The following SYS1 variants were observed in gnomAD, a reference collection of about 807,000 sequenced individuals.
SYS1 encodes SYS1 golgi trafficking protein, also known as protein SYS1 homolog.
A neutral mutation model predicts 17.8 loss-of-function variants in SYS1; 8 were observed. The observed-to-expected ratio is 0.45, with a 90% confidence interval of 0.26 to 0.81. SYS1 has a LOEUF of 0.81. Among genes scored for constraint, SYS1 ranks in the 40% least tolerant of loss-of-function variants. The pLI, the probability that SYS1 is intolerant of heterozygous loss-of-function variation, is 0.16. For missense variants in SYS1, 161 were observed against 203.9 expected (o/e 0.79, Z 1.28); for synonymous variants, 95 against 90.9 (o/e 1.05, Z -0.26).
chr20:45,375,673 C>A (rs1428187024), exon 4 of SYS1: 1 of 1,246,826 alleles, frequency 8.0e-7, no homozygotes, highest in African/African-American at 1.5e-5. Flanking sequence ...TGCAAAGAAA[C>A]TTCTCTACTG....
At chr20:45,365,998 G>A in intron 3 of SYS1, 1 of 400,910 alleles carries the variant, frequency 2.5e-6, no homozygotes. Context: ...TCTGTTCTTG[G>A]TTTGTGTGCC....
At chr20:45,364,560 C>G (rs1988345162) in intron 2 of SYS1, among the ~76,000 whole-genome samples, 1 of 149,614 alleles carries the variant, frequency 6.7e-6, no homozygotes, top group African/African-American at 2.5e-5. Context: ...CAAGCTCCGC[C>G]TCCCGGGTTC....
Position 45,367,120 on chromosome 20 carries a change from A to G in SYS1, c.*5A>G, listed in dbSNP as rs746344394. 1.9e-6 allele frequency: 3 copies of G among 1,614,032 alleles called. No homozygotes were observed. The highest frequency in any genetic ancestry group is 2.5e-6 in the Non-Finnish European group (3 of 1,179,936). On this transcript the variant is annotated 3_prime_UTR_variant, in exon 4 of 4. Transcript: ENST00000243918. The stretch of plus-strand genomic sequence containing the variant: ...GCCCCTAAATCCAATGTCTAGAATC[A>G]GGCCCTTTGGACATCCTGCTGACAC...
chr20:45,367,311 T>C lies in SYS1; in HGVS notation c.*196T>C. On this transcript the variant is annotated 3_prime_UTR_variant, in exon 4 of 4. Coordinates refer to ENST00000243918, the MANE Select transcript of SYS1 (RefSeq NM_033542.4). ...GCATGACAGCTGCAAGAATGACCTC[T>C]GTCTGTTGAAGCCTTGGTATCTGAG... The C allele has an allele frequency of 7.1e-7, 1 of 1,415,942 alleles. No individual in the cohort carries two copies. The highest frequency in any genetic ancestry group is 9.2e-7 in the Non-Finnish European group (1 of 1,087,414). The allele number at this position is 1,415,942 out of a possible 1,614,324, so 87.7% of individuals were successfully genotyped here.
chr20:45,366,835 G>A, intron 3 of SYS1, 40 bp from the exon 4 acceptor site: 1 of 1,576,792 alleles, frequency 6.3e-7, no homozygotes, highest in Non-Finnish European at 8.7e-7. Flanking sequence ...CTAAGGCCAG[G>A]ACAACCCAGT....
rs1288835674 is a variant in SYS1, at chr20:45,369,145, G to A, written c.*2030G>A. The A allele has an allele frequency of 1.3e-5, 2 of 152,416 alleles. No individual in the cohort carries two copies. Among genetic ancestry groups the A allele is most frequent in the African/African-American group, 4.8e-5 (2 of 41,446 alleles). 9.4% of individuals were successfully genotyped at this position (152,416 alleles called of 1,614,324 possible). ...AGTTTTTAGAGTTGAGTTCCAGAGA[G>A]GGCAGGGCAATGGCAGTGACATGTT... On this transcript the variant is annotated 3_prime_UTR_variant, in exon 4 of 4. Coordinates refer to ENST00000243918, the MANE Select transcript of SYS1 (RefSeq NM_033542.4).
intron 1 of SYS1, 58 bp from the exon 2 acceptor site, chr20:45,363,471 G>T: frequency 2.0e-6 from 3 of 1,525,214 alleles, no homozygotes; most frequent in South Asian, 1.2e-5. Flanking sequence ...CCTCCCGGGC[G>T]GGGCGACGTT....
rs1600743468 is a variant in SYS1 at position 45,363,569 on chromosome 20, T to C, written c.38T>C (p.Leu13Pro). The change falls in exon 2 of 4, where the codon CTG becomes CCG. Residue 13 changes from leucine to proline, a missense_variant. Coordinates refer to ENST00000243918, the MANE Select transcript of SYS1 (RefSeq NM_033542.4). Reference sequence around the variant, plus strand: ...TTCCGCAGCTACGTGTGGGACCCGCTGCTGATCCTGTCGCAGATCGTCCTC... The same window carrying C: ...TTCCGCAGCTACGTGTGGGACCCGCCGCTGATCCTGTCGCAGATCGTCCTC... ...GQFRSYVWDPLLILSQIVLMQ... is the reference protein window; with the variant it reads ...GQFRSYVWDPPLILSQIVLMQ... The C allele has an allele frequency of 6.3e-7, 1 of 1,592,950 alleles. No individual in the cohort carries two copies. The highest frequency in any genetic ancestry group is 8.5e-7 in the Non-Finnish European group (1 of 1,170,374).
At chr20:45,366,094 T>G (rs557245401) in intron 3 of SYS1, among the ~76,000 whole-genome samples, 6 of 152,330 alleles carry the variant, frequency 3.9e-5, no homozygotes, top group African/African-American at 1.4e-4. Flanking sequence ...TCACACGTAA[T>G]CATTGCCTGT....
rs1479942052 is a variant in SYS1, at chr20:45,363,613, G to A, written c.82G>A (p.Gly28Ser). The change falls in exon 2 of 4, where the codon GGC (glycine) becomes AGC (serine). Residue 28 changes from glycine to serine, a missense_variant. Coordinates refer to ENST00000243918, the MANE Select transcript of SYS1 (RefSeq NM_033542.4). ...CGTCCTCATGCAGACCGTGTATTAC[G>A]GCTCGCTGGGCCTGTGGCTGGCGCT... ...QIVLMQTVYY[G>S]SLGLWLALVD... 4 of 1,594,290 alleles carry A rather than the reference G, an allele frequency of 2.5e-6. No individual in the cohort carries two copies. The highest frequency in any genetic ancestry group is 1.7e-6 in the Non-Finnish European group (2 of 1,171,516).
At chr20:45,372,435 G>A (rs566436208), downstream of SYS1, 1 of 150,994 alleles carries the variant, frequency 6.6e-6, no homozygotes, top group Admixed American at 6.5e-5. Context: ...GGGCTCCCTG[G>A]GCAGGCCCCC....
At chr20:45,365,529 A>G (rs1375546408) in intron 2 of SYS1, 90 bp from the exon 3 acceptor site, 1 of 1,246,052 alleles carries the variant, frequency 8.0e-7, no homozygotes, top group Non-Finnish European at 1.2e-6. Flanking sequence ...TGCTCTGGGA[A>G]GAATGCTTGT....
In SYS1 at chr20:45,367,589, G is replaced by C; in HGVS notation, c.*474G>C. 1.0e-6 allele frequency: 1 copy of C among 989,554 alleles called. No individual in the cohort carries two copies. Among genetic ancestry groups the C allele is most frequent in the Non-Finnish European group, 1.2e-6 (1 of 835,660 alleles). The allele number at this position is 989,554 out of a possible 1,614,324, so 61.3% of individuals were successfully genotyped here. ...AGCAGTTCTGTTGGAGAAACGCTTG[G>C]TTTCCGGATCCAGAGCCACAGAAAG... On this transcript the variant is annotated 3_prime_UTR_variant, in exon 4 of 4. Coordinates refer to ENST00000243918, the MANE Select transcript of SYS1 (RefSeq NM_033542.4).
intron 2 of SYS1, among the ~76,000 whole-genome samples, chr20:45,364,887 A>C (rs1462369110): frequency 6.6e-6 from 1 of 152,252 alleles, no homozygotes; most frequent in East Asian, 1.9e-4. Context: ...TAAAAGAAGA[A>C]GAATGGCTTT....
chr20:45,373,648 T>C (rs1324261594), downstream of SYS1: 4 of 534,058 alleles, frequency 7.5e-6, no homozygotes, highest in Non-Finnish European at 1.3e-5. Context: ...TGAGGCACTT[T>C]GCACCCAGGA....
downstream of SYS1, among the ~76,000 whole-genome samples, chr20:45,372,237 C>G (rs926420187): frequency 6.6e-6 from 1 of 152,224 alleles, no homozygotes; most frequent in Non-Finnish European, 1.5e-5. Context: ...GGATGTACTG[C>G]TGGGATTCCC....
exon 4 of SYS1, chr20:45,375,221 T>C (rs953624100): frequency 2.5e-6 from 4 of 1,614,032 alleles, no homozygotes; most frequent in Non-Finnish European, 2.5e-6. Context: ...ATGTGCCCCA[T>C]GGGAGTTCTA....
chr20:45,362,701 T>C (rs1988260885), upstream of SYS1, among the ~76,000 whole-genome samples: 1 of 152,192 alleles, frequency 6.6e-6, no homozygotes, highest in Non-Finnish European at 1.5e-5. Flanking sequence ...TGCTACTAAC[T>C]GTGTCGTTGA....
exon 4 of SYS1, chr20:45,375,084 G>A (rs1392590277): frequency 1.9e-6 from 3 of 1,614,122 alleles, no homozygotes; most frequent in Admixed American, 3.3e-5. Flanking sequence ...CGGAGCAGAA[G>A]CGGGTGCAGC....
Sources: allele counts gnomAD v4.1 joint callset (sites outside exome capture counted in the v4.1 genomes callset), GRCh38; gene constraint gnomAD v4.1.1; transcripts MANE v1.5; gene names NCBI Gene and HGNC (gene_info 2026-07-23, HGNC 2026-07-21).